The following MYCBP2 variants were observed in gnomAD, a reference collection of about 807,000 sequenced individuals.
MYCBP2 encodes the protein MYC binding protein 2.
Under a neutral mutation model 525.3 loss-of-function variants are expected in MYCBP2, and 120 were observed. The ratio of observed to expected loss-of-function variants is 0.23; its 90% CI spans 0.20 to 0.27. The LOEUF is 0.27. Ranked by LOEUF, MYCBP2 falls within the 10% of genes least tolerant of loss-of-function variation. The pLI, the probability that MYCBP2 is intolerant of heterozygous loss-of-function variation, is 1.00. For missense variants in MYCBP2, 4,149 were observed against 5,657.1 expected (o/e 0.73, Z 8.55); for synonymous variants, 1,894 against 1,955.8 (o/e 0.97, Z 0.83).
chr13:77,326,959 G>T lies in MYCBP2; in HGVS notation c.-184C>A. On this transcript the variant is annotated 5_prime_UTR_variant, in exon 1 of 83. Transcript: ENST00000544440. This position sits in a 1 kb window ranked among gnomAD's most constrained non-coding sequence, Gnocchi z 4.2. ...TCCTTCTTCTCCTCCTCCCCCCCGC[G>T]CCGCCCTCGCCGCTACTGGGGCCGC... 2.0e-6 allele frequency: 1 copy of T among 510,100 alleles called. No homozygotes were observed. Among genetic ancestry groups the T allele is most frequent in the Non-Finnish European group, 3.1e-6 (1 of 318,564 alleles). 31.6% of individuals were successfully genotyped at this position (510,100 alleles called of 1,614,324 possible).
chr13:77,192,450 G>T (rs1174783371), intron 27 of MYCBP2, among the ~76,000 whole-genome samples: 2 of 152,148 alleles, frequency 1.3e-5, no homozygotes, highest in Non-Finnish European at 2.9e-5. Flanking sequence ...ATAAATAAGG[G>T]CATCTTCTAA....
At chr13:77,219,375 C>T (rs757611147) in intron 20 of MYCBP2, among the ~76,000 whole-genome samples, 105 of 150,816 alleles carry the variant, frequency 7.0e-4, no homozygotes, top group Admixed American at 3.8e-3. Context: ...AGAGAATACA[C>T]AAAGTAGCTC....
chr13:77,076,083 T>C (rs2042243147), intron 68 of MYCBP2: 1 of 152,184 alleles, frequency 6.6e-6, no homozygotes, highest in Non-Finnish European at 1.5e-5. Flanking sequence ...ACAAAAGTTT[T>C]AGGTATAGTG....
intron 5 of MYCBP2, 92 bp downstream of exon 5, chr13:77,273,380 T>C (rs1380506765): frequency 1.4e-5 from 15 of 1,097,630 alleles, no homozygotes; most frequent in Non-Finnish European, 1.9e-5. Flanking sequence ...CTGTAATGAG[T>C]GAGAAAAAGC....
rs754092836 is a variant in MYCBP2 at position 77,121,531 on chromosome 13, T to C, written c.8018-36A>G. 5.2e-5 allele frequency: 79 copies of C among 1,520,364 alleles called. 1 individual carries two copies. In the Admixed American group the frequency reaches 1.4e-3, roughly 27 times the overall value. 94.2% of individuals were successfully genotyped at this position (1,520,364 alleles called of 1,614,324 possible). ...AGCCATAGCTGTAACATTAGTTTCT[T>C]ACGTGCTATTCCCTATTCATACAAC... On this transcript the variant is annotated intron_variant, in intron 54 of 82. Coordinates refer to ENST00000544440, the MANE Select transcript of MYCBP2 (RefSeq NM_015057.5).
Position 77,111,698 on chromosome 13 carries a change from C to A in MYCBP2, c.8140+9675G>T, listed in dbSNP as rs77260767. ...ACATTCTCCCTGCAATTAACCTTAG[C>A]TTAAACCCTACTCAGCTTTTCTCTG... On this transcript the variant is annotated intron_variant, in intron 55 of 82. Transcript: ENST00000544440. Among the ~76,000 whole-genome samples the A allele has an allele frequency of 2.0e-3, 299 of 152,108 alleles. 2 individuals are homozygous for A. The highest frequency in any genetic ancestry group is 5.2e-3 in the African/African-American group (217 of 41,492).
intron 26 of MYCBP2, among the ~76,000 whole-genome samples, chr13:77,201,843 A>T (rs1485940372): frequency 6.6e-6 from 1 of 152,224 alleles, no homozygotes; most frequent in Non-Finnish European, 1.5e-5. Context: ...CTTTGAAACC[A>T]ACGAGAACAA....
In MYCBP2 at chr13:77,181,645, T is replaced by G. The variant is rs1566835923; in HGVS notation, c.4941+56A>C. 3 of 1,436,194 alleles carry G rather than the reference T, an allele frequency of 2.1e-6. No individual in the cohort carries two copies. In the South Asian group the frequency reaches 3.6e-5, roughly 17 times the overall value. The allele number at this position is 1,436,194 out of a possible 1,614,324, so 89.0% of individuals were successfully genotyped here. A position where few individuals can be genotyped will look rare whatever the true frequency, so the allele number is the denominator to read the frequency against. On this transcript the variant is annotated intron_variant, in intron 33 of 82. Transcript: ENST00000544440. ...GCCTCTGTATAAAAGAGGCAATAAA[T>G]AAAACCATTTAGAGTTTTAGTGCCT...
intron 32 of MYCBP2, among the ~76,000 whole-genome samples, chr13:77,182,555 A>C (rs921092142): frequency 6.6e-6 from 1 of 152,260 alleles, no homozygotes; most frequent in Non-Finnish European, 1.5e-5. Context: ...TGTTAAACCA[A>C]CATTTGCTAA....
intron 3 of MYCBP2, among the ~76,000 whole-genome samples, chr13:77,280,542 T>G (rs2076083580): frequency 1.3e-5 from 2 of 152,230 alleles, no homozygotes; most frequent in African/African-American, 2.4e-5. Context: ...AACCATGATT[T>G]TTCATAAATC....
At chr13:77,209,021 T>C (rs1038024626) in intron 23 of MYCBP2, among the ~76,000 whole-genome samples, 8 of 152,230 alleles carry the variant, frequency 5.3e-5, no homozygotes, top group East Asian at 3.9e-4. Context: ...AAGTGCCCCA[T>C]TGAAAAACAC....
chr13:77,224,350 C>A, intron 20 of MYCBP2, 101 bp downstream of exon 20: 1 of 744,906 alleles, frequency 1.3e-6, no homozygotes, highest in Non-Finnish European at 2.2e-6. Flanking sequence ...TATTTTAATT[C>A]TAGAAATATA....
rs950343258 is a variant in MYCBP2, at chr13:77,174,743, A to G, written c.5473-254T>C. 2.7e-5 allele frequency among the ~76,000 whole-genome samples: 4 copies of G among 149,698 alleles called. No homozygotes were observed. The East Asian group carries it at 7.9e-4, about 30-fold the overall frequency. On this transcript the variant is annotated intron_variant, in intron 36 of 82. Transcript: ENST00000544440. The stretch of plus-strand genomic sequence containing the variant: ...AAAATGACCTCATAAGGTAAGTATC[A>G]TTACTATCCCTATTTTACAGATGAG...
At position 77,066,182 on chromosome 13, in the gene MYCBP2, T is replaced by C; in HGVS notation, c.12456-94A>G. The C allele has an allele frequency of 5.6e-6, 5 of 893,994 alleles. No individual in the cohort carries two copies. In the South Asian group the frequency reaches 8.1e-5, roughly 14 times the overall value. 55.4% of individuals were successfully genotyped at this position (893,994 alleles called of 1,614,324 possible). A position where few individuals can be genotyped will look rare whatever the true frequency, so the allele number is the denominator to read the frequency against. ...AATGTTATTTCAGAATGCAGCATTT[T>C]AGATTTTTAAGTGACTGAATCAATT... is the stretch of plus-strand genomic sequence containing the variant. On this transcript the variant is annotated intron_variant, in intron 71 of 82. Coordinates refer to ENST00000544440, the MANE Select transcript of MYCBP2 (RefSeq NM_015057.5).
At chr13:77,228,231 C>A (rs1240430141) in intron 18 of MYCBP2, among the ~76,000 whole-genome samples, 1 of 152,074 alleles carries the variant, frequency 6.6e-6, no homozygotes, top group East Asian at 1.9e-4. Flanking sequence ...TCAAGCTGGG[C>A]ATGGTGGTTC....
Position 77,185,329 on chromosome 13 carries a change from A to C in MYCBP2, c.4493T>G (p.Ile1498Ser). The part of the protein sequence containing the change: ...VEETSKLAEC[I>S]GKTRTLLRKI... ...TCTTAACAAAGTTCTGGTTTTTCCA[A>C]TACACTCTGCTAATTTGCTAGTTTC... The change falls in exon 32 of 83, where the codon ATT (isoleucine) becomes AGT (serine). Residue 1498 changes from isoleucine (I) to serine (S), a missense_variant. By Grantham distance (142) the Ile-to-Ser change is moderately radical (BLOSUM62 -2). Transcript: ENST00000544440. The C allele has an allele frequency of 4.3e-6, 7 of 1,613,978 alleles. No individual in the cohort carries two copies. Among genetic ancestry groups the C allele is most frequent in the Non-Finnish European group, 5.9e-6 (7 of 1,179,976 alleles).
At chr13:77,310,782 G>A (rs1331239417) in intron 1 of MYCBP2, among the ~76,000 whole-genome samples, 7 of 99,812 alleles carry the variant, frequency 7.0e-5, no homozygotes, top group South Asian at 5.7e-4. Context: ...GTGTGCGTGC[G>A]CATGCACACA....
At chr13:77,170,569 G>C (rs962787995) in intron 38 of MYCBP2, among the ~76,000 whole-genome samples, 2 of 151,494 alleles carry the variant, frequency 1.3e-5, no homozygotes, top group African/African-American at 4.9e-5. Flanking sequence ...ATAAGGAGGT[G>C]GAGGTAACTT....
Position 77,080,156 on chromosome 13 carries a change from G to C in MYCBP2, c.11419-1267C>G, listed in dbSNP as rs538641233. 2.4e-4 allele frequency among the ~76,000 whole-genome samples: 36 copies of C among 152,286 alleles called. No individual in the cohort carries two copies. In the South Asian group the frequency reaches 7.5e-3, roughly 32 times the overall value. On this transcript the variant is annotated intron_variant, in intron 65 of 82. Transcript: ENST00000544440. ...AGTGGAAATTCTTAGGTCTGAGGAG[G>C]AAATAGCTCATATTATATTAGCTAA...
Sources: allele counts gnomAD v4.1 joint callset (sites outside exome capture counted in the v4.1 genomes callset), GRCh38; gene constraint gnomAD v4.1.1; non-coding constraint Gnocchi (gnomAD v3.1); transcripts MANE v1.5; gene names NCBI Gene and HGNC (gene_info 2026-07-23, HGNC 2026-07-21).